Variants in PZP observed in about 807,000 individuals in gnomAD.
PZP encodes the protein pregnancy zone protein.
PZP carries 150 observed loss-of-function variants against 179.8 expected under a neutral mutation model. The observed-to-expected ratio is 0.83, with a 90% confidence interval of 0.73 to 0.96. The LOEUF (loss-of-function observed/expected upper bound fraction) is 0.96. PZP is among the 40% of genes least tolerant of loss of function. PZP has a pLI of 0.00. For missense variants in PZP, 1,689 were observed against 1,764.0 expected (o/e 0.96, Z 0.76); for synonymous variants, 624 against 652.3 (o/e 0.96, Z 0.66).
In PZP at chr12:9,157,822, G is replaced by A. The variant is rs139562683; in HGVS notation, c.3314C>T (p.Ala1105Val). Residue 1105 changes from alanine to valine, a missense_variant, in exon 27 of 36, where the codon GCG becomes GTG. Ala to Val is a moderately conservative substitution (Grantham distance 64). Around this residue, in one of 3 missense-constraint regions of PZP, gnomAD observed 746 missense variants for 749.2 expected, o/e 1.00. Transcript: ENST00000261336. ...AATAGTAACATAGGCGGAGAGGGTC[G>A]CTTCATCTTCTACACCTCCCTGTGA... is the stretch of plus-strand genomic sequence containing the variant. ...NAIKGGVEDEATLSAYVTIAL... is the reference protein window; with the variant it reads ...NAIKGGVEDEVTLSAYVTIAL... 4.6e-5 allele frequency: 75 copies of A among 1,613,850 alleles called. No individual in the cohort carries two copies. The highest frequency in any genetic ancestry group is 1.1e-4 in the East Asian group (5 of 44,890).
intron 15 of PZP, among the ~76,000 whole-genome samples, chr12:9,178,341 T>C (rs1044737414): frequency 2.0e-5 from 3 of 152,200 alleles, no homozygotes; most frequent in African/African-American, 7.2e-5. Context: ...TCCCTGCCCC[T>C]TAGTCACCCA....
At position 9,200,898 on chromosome 12, in the gene PZP, C is replaced by T. The variant is rs764455793; in HGVS notation, c.664G>A (p.Glu222Lys). ...CATCTTCCATAATCCATACCAAATT[C>T]CTCCACGGTGAAGGGGTGCTGTATC... ...GRIQHPFTVE[E>K]FVLPKFEVKV... is the part of the protein sequence containing the mutation. Residue 222 changes from glutamate to lysine, a missense_variant, in exon 6 of 36, where the codon GAA becomes AAA. Physicochemically the swap from Glu to Lys is moderately conservative, Grantham distance 56 (BLOSUM62 1). Transcript: ENST00000261336. The T allele has an allele frequency of 3.3e-5, 53 of 1,611,588 alleles. No individual in the cohort carries two copies. The highest frequency in any genetic ancestry group is 1.5e-4 in the Admixed American group (9 of 59,452).
chr12:9,142,307 A>C, the PZP span, among the ~76,000 whole-genome samples: 1 of 152,200 alleles, frequency 6.6e-6, no homozygotes, highest in Non-Finnish European at 1.5e-5. Context: ...TTAATGTTTC[A>C]TTTATTAAAA....
chr12:9,183,459 G>T (rs1942905879), intron 13 of PZP, among the ~76,000 whole-genome samples: 1 of 152,114 alleles, frequency 6.6e-6, no homozygotes, highest in Non-Finnish European at 1.5e-5. Flanking sequence ...AAATGCAGTG[G>T]TGCAATCATA....
Position 9,192,640 on chromosome 12 carries a change from C to G in PZP, c.1354G>C (p.Gly452Arg). The G allele has an allele frequency of 6.2e-7, 1 of 1,614,108 alleles. No homozygotes were observed. Among genetic ancestry groups the G allele is most frequent in the Non-Finnish European group, 8.5e-7 (1 of 1,179,938 alleles). Reference protein sequence around the residue: ...HTANRVFSLSGSYIHLEPVAG... With the variant: ...HTANRVFSLSRSYIHLEPVAG... ...ACAGGCTCCAGGTGAATGTAACTTC[C>G]ACTTAAGGAGAAAACACGATTTGCA... Residue 452 changes from glycine (G) to arginine (R), a missense_variant, in exon 12 of 36, where the codon GGA becomes CGA. By Grantham distance (125) the Gly-to-Arg change is moderately radical (BLOSUM62 -2). Around this residue, in one of 3 missense-constraint regions of PZP, gnomAD observed 742 missense variants for 730.5 expected, o/e 1.02. Transcript: ENST00000261336.
intron 15 of PZP, among the ~76,000 whole-genome samples, chr12:9,172,089 A>G (rs769716852): frequency 1.3e-5 from 2 of 152,310 alleles, no homozygotes; most frequent in South Asian, 4.1e-4. Context: ...GGACACCTAG[A>G]GAGAAAGGCC....
At position 9,196,555 on chromosome 12, in the gene PZP, C is replaced by A; in HGVS notation, c.982+16G>T. 1 of 1,583,516 alleles carries A rather than the reference C, an allele frequency of 6.3e-7. No individual in the cohort carries two copies. The highest frequency in any genetic ancestry group is 1.1e-5 in the South Asian group (1 of 90,332). ...AAACTATTGTTTTATTTCCCATATT[C>A]GTTCATTACTCACACCTGTCCCCTC... On this transcript the variant is annotated intron_variant, in intron 9 of 35. Transcript: ENST00000261336.
intron 15 of PZP, chr12:9,169,803 T>C: frequency 2.4e-6 from 1 of 423,980 alleles, no homozygotes; most frequent in Non-Finnish European, 4.0e-6. Flanking sequence ...CTTCCAAAGA[T>C]TAACAAAATC....
the PZP span, among the ~76,000 whole-genome samples, chr12:9,141,920 G>C: frequency 3.9e-5 from 6 of 152,192 alleles, no homozygotes; most frequent in African/African-American, 1.2e-4. Flanking sequence ...CAGGCAAGTT[G>C]TACAGCTAAG....
intron 20 of PZP, 55 bp downstream of exon 20, chr12:9,164,078 T>C: frequency 6.5e-7 from 1 of 1,538,878 alleles, no homozygotes. Context: ...AAAAAAGTAC[T>C]CAGACAGCCA....
At chr12:9,163,835 C>T in intron 20 of PZP, 46 bp from the exon 21 acceptor site, 1 of 1,588,224 alleles carries the variant, frequency 6.3e-7, no homozygotes, top group Non-Finnish European at 8.6e-7. Flanking sequence ...TTTGATAGTC[C>T]AATCACCTTT....
At chr12:9,140,558 G>C in the PZP span, among the ~76,000 whole-genome samples, 13 of 152,322 alleles carry the variant, frequency 8.5e-5, no homozygotes, top group African/African-American at 3.1e-4. Context: ...TTTGCATACA[G>C]TGCAGCAAGA....
At chr12:9,196,901 TG>T (rs1943807005) in intron 8 of PZP, 110 bp downstream of exon 8, 2 of 907,524 alleles carry the variant, frequency 2.2e-6, no homozygotes, top group African/African-American at 1.7e-5. Context: ...CGTTTTTTGG[TG>T]GGGGATATTT....
intron 25 of PZP, 90 bp downstream of exon 25, chr12:9,159,848 T>C (rs1260724580): frequency 1.7e-6 from 2 of 1,158,538 alleles, no homozygotes; most frequent in African/African-American, 3.1e-5. Flanking sequence ...AGGTATTCTG[T>C]TATAAGCAAC....
Position 9,202,843 on chromosome 12 carries a change from T to C in PZP, c.268-159A>G, listed in dbSNP as rs759854757. ...TAAGAGTGACGATATTAATGTGAGA[T>C]GGAGGAATGGTATCAGTAAGAGTGG... On this transcript the variant is annotated intron_variant, in intron 2 of 35. Coordinates refer to ENST00000261336, the MANE Select transcript of PZP (RefSeq NM_002864.3). 4.6e-5 allele frequency among the ~76,000 whole-genome samples: 7 copies of C among 152,228 alleles called. No individual in the cohort carries two copies. The South Asian group carries it at 1.0e-3, about 23-fold the overall frequency.
At position 9,166,159 on chromosome 12, in the gene PZP, G is replaced by A. The variant is rs1281841595; in HGVS notation, c.2151C>T (p.Gly717=). The part of the protein sequence containing the change: ...VVERPYVPQL[G]TYNVIPLNNE... ...TATTTAAGGGTATCACATTATATGT[G>A]CCTAATTGAGGAACATATGGTCTCT... Residue 717 remains glycine (G), a synonymous_variant, in exon 18 of 36, where the codon GGC becomes GGT. Transcript: ENST00000261336. The A allele has an allele frequency of 6.2e-7, 1 of 1,612,948 alleles. No individual in the cohort carries two copies. Among genetic ancestry groups the A allele is most frequent in the Non-Finnish European group, 8.5e-7 (1 of 1,179,296 alleles).
chr12:9,161,199 AG>A lies in PZP; in HGVS notation c.2789-84del, dbSNP rs1941179304. 6.9e-6 allele frequency: 8 copies of A among 1,163,060 alleles called. No individual in the cohort carries two copies. The South Asian group carries it at 9.1e-5, about 13-fold the overall frequency. The allele number at this position is 1,163,060 out of a possible 1,614,324, so 72.0% of individuals were successfully genotyped here. A position where few individuals can be genotyped will look rare whatever the true frequency, so the allele number is the denominator to read the frequency against. On this transcript the variant is annotated intron_variant, in intron 22 of 35. Coordinates refer to ENST00000261336, the MANE Select transcript of PZP (RefSeq NM_002864.3). ...GTGATTATAATGTAGTGAGAGCTTC[AG>A]AGCCACACTCCCTGGATATGGTACT...
At chr12:9,207,680 C>A (rs1256292824) in intron 1 of PZP, among the ~76,000 whole-genome samples, 1 of 152,164 alleles carries the variant, frequency 6.6e-6, no homozygotes, top group Non-Finnish European at 1.5e-5. Context: ...AGGACTCTGA[C>A]AGTTTTCTCT....
At chr12:9,139,532 GT>G in the PZP span, among the ~76,000 whole-genome samples, 1 of 152,104 alleles carries the variant, frequency 6.6e-6, no homozygotes, top group African/African-American at 2.4e-5. Flanking sequence ...TAGTATTGAA[GT>G]TTCCTACTAT....
Sources: allele counts gnomAD v4.1 joint callset (sites outside exome capture counted in the v4.1 genomes callset), GRCh38; gene constraint gnomAD v4.1.1; regional missense constraint gnomAD v4.1.1; transcripts MANE v1.5; gene names NCBI Gene and HGNC (gene_info 2026-07-23, HGNC 2026-07-21).